Variants in UNC5D observed in about 807,000 individuals in gnomAD.
UNC5D encodes the protein unc-5 netrin receptor D.
UNC5D carries 39 observed loss-of-function variants against 105.4 expected under a neutral mutation model. That is an observed-to-expected ratio of 0.37 (90% CI 0.29 to 0.48). The LOEUF (loss-of-function observed/expected upper bound fraction) is 0.48, where lower values mean the gene tolerates loss of function less well. UNC5D is among the 20% of genes least tolerant of loss of function. The pLI is 0.98. For missense variants in UNC5D, 991 were observed against 1,202.4 expected, an observed-to-expected ratio of 0.82 and a Z score of 2.60; for synonymous variants, 452 against 450.4, an observed-to-expected ratio of 1.00 and a Z score of -0.04.
intron 1 of UNC5D, among the ~76,000 whole-genome samples, chr8:35,291,963 G>T (rs191157921): frequency 3.3e-5 from 5 of 152,126 alleles, no homozygotes; most frequent in African/African-American, 1.2e-4. Flanking sequence ...AAAAATATTC[G>T]TTATCCATGA....
intron 1 of UNC5D, among the ~76,000 whole-genome samples, chr8:35,368,319 A>G (rs1260388155): frequency 6.6e-6 from 1 of 152,086 alleles, no homozygotes; most frequent in Non-Finnish European, 1.5e-5. Flanking sequence ...CCACCCCCCG[A>G]CACATGTGCA....
chr8:35,285,411 A>T (rs965756942), intron 1 of UNC5D, among the ~76,000 whole-genome samples: 11 of 152,242 alleles, frequency 7.2e-5, no homozygotes, highest in African/African-American at 2.7e-4. Context: ...GTTTAGAAGT[A>T]GTAATTGGTT....
At chr8:35,754,514 A>C (rs1019232902) in intron 13 of UNC5D, among the ~76,000 whole-genome samples, 1 of 152,114 alleles carries the variant, frequency 6.6e-6, no homozygotes, top group Admixed American at 6.6e-5. Flanking sequence ...TCTCACTGGG[A>C]GATTGTATCC....
At chr8:35,571,036 G>C (rs1053635711) in intron 3 of UNC5D, among the ~76,000 whole-genome samples, 1 of 151,974 alleles carries the variant, frequency 6.6e-6, no homozygotes, top group Non-Finnish European at 1.5e-5. Flanking sequence ...CATAGAGAGA[G>C]AGAAATGGGG....
At chr8:35,262,339 C>T (rs192281490) in intron 1 of UNC5D, among the ~76,000 whole-genome samples, 44 of 152,152 alleles carry the variant, frequency 2.9e-4, no homozygotes, top group Admixed American at 1.2e-3. Context: ...TATGGTCGGC[C>T]GAATAGATAT....
At chr8:35,442,238 C>A (rs1302033768) in intron 1 of UNC5D, among the ~76,000 whole-genome samples, 1 of 151,746 alleles carries the variant, frequency 6.6e-6, no homozygotes, top group African/African-American at 2.4e-5. Flanking sequence ...TCCTTCATAA[C>A]CTTGCTGCCA....
chr8:35,495,510 A>G (rs933891625), intron 1 of UNC5D, among the ~76,000 whole-genome samples: 6 of 151,652 alleles, frequency 4.0e-5, no homozygotes, highest in Non-Finnish European at 8.8e-5. Flanking sequence ...GTGTTAAGAA[A>G]GTTTACAAAT....
chr8:35,524,428 T>G (rs1813702346), intron 1 of UNC5D, among the ~76,000 whole-genome samples: 2 of 150,106 alleles, frequency 1.3e-5, no homozygotes, highest in Non-Finnish European at 1.5e-5. Context: ...AAGAATCTCT[T>G]GCACCAAGTC....
intron 7 of UNC5D, among the ~76,000 whole-genome samples, chr8:35,698,092 C>CT (rs1476992052): frequency 1.3e-5 from 2 of 152,054 alleles, no homozygotes; most frequent in African/African-American, 4.8e-5. Flanking sequence ...AATAGGATTC[C>CT]TTTTTTACAA....
chr8:35,669,985 G>C (rs1824673606), intron 4 of UNC5D, among the ~76,000 whole-genome samples: 1 of 152,124 alleles, frequency 6.6e-6, no homozygotes, highest in African/African-American at 2.4e-5. Context: ...TGAATGACAT[G>C]AGTCTGGATA....
intron 1 of UNC5D, among the ~76,000 whole-genome samples, chr8:35,426,800 C>T (rs1454964179): frequency 6.6e-6 from 1 of 152,136 alleles, no homozygotes; most frequent in Non-Finnish European, 1.5e-5. Context: ...AGCTAGACCT[C>T]TGAGATGCAT....
intron 1 of UNC5D, among the ~76,000 whole-genome samples, chr8:35,304,414 G>A (rs1808186650): frequency 6.6e-6 from 1 of 151,886 alleles, no homozygotes; most frequent in Non-Finnish European, 1.5e-5. Context: ...ATGGGGGGAG[G>A]AAAAGAGGAA....
chr8:35,372,603 TA>T (rs1802487871), intron 1 of UNC5D, among the ~76,000 whole-genome samples: 1 of 152,096 alleles, frequency 6.6e-6, no homozygotes, highest in South Asian at 2.1e-4. Context: ...AATATTTTAT[TA>T]TTTTTTTTTC....
chr8:35,493,261 G>T (rs1183777030), intron 1 of UNC5D, among the ~76,000 whole-genome samples: 1 of 120,666 alleles, frequency 8.3e-6, no homozygotes, highest in Non-Finnish European at 1.6e-5. Flanking sequence ...ATTAAGAGTT[G>T]CTTCAGTAAA....
chr8:35,422,371 A>G (rs1056837934), intron 1 of UNC5D, among the ~76,000 whole-genome samples: 2 of 152,238 alleles, frequency 1.3e-5, no homozygotes, highest in Admixed American at 6.5e-5. Flanking sequence ...AGCCAAGTAC[A>G]TTTGAATCAA....
intron 1 of UNC5D, among the ~76,000 whole-genome samples, chr8:35,244,068 G>C (rs928319006): frequency 6.6e-6 from 1 of 152,148 alleles, no homozygotes; most frequent in African/African-American, 2.4e-5. Flanking sequence ...GTCCTATTAT[G>C]CGTGGCTGTT....
chr8:35,396,073 C>T (rs1019326081), intron 1 of UNC5D, among the ~76,000 whole-genome samples: 2 of 152,152 alleles, frequency 1.3e-5, no homozygotes, highest in African/African-American at 4.8e-5. Flanking sequence ...AAGTATTAGA[C>T]TAACTAGCCC....
rs1416544829 is a variant in UNC5D, at chr8:35,795,527, A to G, written c.*4964A>G. 1 of 152,160 alleles carries G rather than the reference A, an allele frequency of 6.6e-6. No individual in the cohort carries two copies. The highest frequency in any genetic ancestry group is 1.5e-5 in the Non-Finnish European group (1 of 68,028). 9.4% of individuals were successfully genotyped at this position (152,160 alleles called of 1,614,324 possible). A position where few individuals can be genotyped will look rare whatever the true frequency, so the allele number is the denominator to read the frequency against. The stretch of plus-strand genomic sequence containing the variant: ...GCAGAATATCATGCCTTATGACCCC[A>G]TTACTGAAACACAGACATTACAATC... On this transcript the variant is annotated 3_prime_UTR_variant, in exon 17 of 17. Transcript: ENST00000404895.
intron 14 of UNC5D, among the ~76,000 whole-genome samples, chr8:35,763,185 A>C (rs1410279699): frequency 6.6e-6 from 1 of 152,212 alleles, no homozygotes; most frequent in Admixed American, 6.5e-5. Flanking sequence ...TCAAGTCAAC[A>C]ATAAAAAATA....
Sources: allele counts gnomAD v4.1 joint callset (sites outside exome capture counted in the v4.1 genomes callset), GRCh38; gene constraint gnomAD v4.1.1; transcripts MANE v1.5; gene names NCBI Gene and HGNC (gene_info 2026-07-23, HGNC 2026-07-21).